The following PCDHA7 variants were observed in gnomAD, a reference collection of about 807,000 sequenced individuals.
PCDHA7 encodes the protein protocadherin alpha 7.
A neutral mutation model predicts 57.2 loss-of-function variants in PCDHA7; 37 were observed. That is an observed-to-expected ratio of 0.65 (90% CI 0.50 to 0.85). The LOEUF (loss-of-function observed/expected upper bound fraction) is 0.85. Ranked by LOEUF, PCDHA7 falls within the 40% of genes least tolerant of loss-of-function variation. The probability of loss-of-function intolerance (pLI) is 0.00; values close to 1 mark genes in which losing one functional copy is unlikely to be tolerated. For synonymous variants in PCDHA7, 553 were observed against 558.8 expected, an observed-to-expected ratio of 0.99 and a Z score of 0.15; for missense variants, 1,188 against 1,241.8, an observed-to-expected ratio of 0.96 and a Z score of 0.65.
chr5:140,863,348 C>T, intron 1 of PCDHA7: 2 of 1,313,382 alleles, frequency 1.5e-6, no homozygotes, highest in Non-Finnish European at 2.1e-6. Flanking sequence ...CTGCTGTACA[C>T]GACGCTGCGG....
intron 1 of PCDHA7, chr5:140,852,742 T>G (rs1190690172): frequency 1.0e-6 from 1 of 984,108 alleles, no homozygotes; most frequent in African/African-American, 1.8e-5. Context: ...ATGTGCCATT[T>G]AAACTTGGAC....
intron 1 of PCDHA7, chr5:140,850,281 G>A: frequency 6.3e-7 from 1 of 1,595,580 alleles, no homozygotes. Context: ...GAAGGTGCGC[G>A]CAGTGGACGC....
At position 140,836,460 on chromosome 5, in the gene PCDHA7, C is replaced by G. The variant is rs2150261551; in HGVS notation, c.2077C>G (p.Leu693Val). 1 of 1,613,848 alleles carries G rather than the reference C, an allele frequency of 6.2e-7. No individual in the cohort carries two copies. The highest frequency in any genetic ancestry group is 1.1e-5 in the South Asian group (1 of 91,086). Reference protein sequence around the residue: ...SLGIAGPETELVDVNVYLIIA... With the variant: ...SLGIAGPETEVVDVNVYLIIA... Reference sequence around the variant, plus strand: ...GGGCATTGCAGGCCCAGAGACCGAGCTGGTGGATGTCAACGTGTACCTGAT... The same window carrying G: ...GGGCATTGCAGGCCCAGAGACCGAGGTGGTGGATGTCAACGTGTACCTGAT... Residue 693 changes from leucine to valine, a missense_variant, in exon 1 of 4, where the codon CTG (leucine) becomes GTG (valine). This residue lies in a region of PCDHA7 where 892 missense variants were observed against 788.5 expected (regional missense o/e 1.13). Transcript: ENST00000525929.
chr5:140,883,530 A>G, intron 1 of PCDHA7: 1 of 1,614,156 alleles, frequency 6.2e-7, no homozygotes. Flanking sequence ...GTATCAGCCT[A>G]TGAACTGGTG....
rs782468691 is a variant in PCDHA7 at position 140,962,448 on chromosome 5, A to C, written c.2356-16501A>C. Reference sequence around the variant, plus strand: ...TGTTACTTATCCAAAGATGGCTTGAATCTCTTATGGCTTGAATCTCTTTGT... The same window carrying C: ...TGTTACTTATCCAAAGATGGCTTGACTCTCTTATGGCTTGAATCTCTTTGT... On this transcript the variant is annotated intron_variant, in intron 1 of 3. Coordinates refer to ENST00000525929, the MANE Select transcript of PCDHA7 (RefSeq NM_018910.3). Among the ~76,000 whole-genome samples the C allele has an allele frequency of 4.7e-4, 72 of 152,232 alleles. 1 individual carries two copies. The highest frequency in any genetic ancestry group is 6.8e-3 in the Middle Eastern group (2 of 294).
At chr5:141,007,306 T>C (rs1050571899) in intron 3 of PCDHA7, among the ~76,000 whole-genome samples, 8 of 151,500 alleles carry the variant, frequency 5.3e-5, no homozygotes, top group Admixed American at 3.3e-4. Context: ...ATCTTAGCAT[T>C]TTGGGAGGCT....
At chr5:140,998,977 ATAG>A (rs2097842205) in intron 3 of PCDHA7, among the ~76,000 whole-genome samples, 1 of 152,242 alleles carries the variant, frequency 6.6e-6, no homozygotes, top group African/African-American at 2.4e-5. Flanking sequence ...ATCCTAGAAA[ATAG>A]TAGAAAGCAG....
intron 1 of PCDHA7, among the ~76,000 whole-genome samples, chr5:140,897,463 T>C (rs573452029): frequency 6.6e-6 from 1 of 151,924 alleles, no homozygotes; most frequent in African/African-American, 2.4e-5. Flanking sequence ...CTTGCGATAG[T>C]TTACTGAGAA....
chr5:140,938,215 G>C (rs1270663444), intron 1 of PCDHA7, among the ~76,000 whole-genome samples: 3 of 152,100 alleles, frequency 2.0e-5, no homozygotes, highest in Non-Finnish European at 4.4e-5. Context: ...CAAAGTGCTG[G>C]GATTACAGGC....
In PCDHA7 at chr5:141,011,905, G is replaced by C. The variant is rs1400272126; in HGVS notation, c.*1968G>C. 4 of 153,222 alleles carry C rather than the reference G, an allele frequency of 2.6e-5. No individual in the cohort carries two copies. Among genetic ancestry groups the C allele is most frequent in the African/African-American group, 9.7e-5 (4 of 41,224 alleles). The allele number at this position is 153,222 out of a possible 1,614,324, so 9.5% of individuals were successfully genotyped here. A position where few individuals can be genotyped will look rare whatever the true frequency, so the allele number is the denominator to read the frequency against. ...TTGATTAATTATATTATCTATTTAG[G>C]CATTAATATAAAAGAGGTAGGAGTC... On this transcript the variant is annotated 3_prime_UTR_variant, in exon 4 of 4. Coordinates refer to ENST00000525929, the MANE Select transcript of PCDHA7 (RefSeq NM_018910.3).
intron 3 of PCDHA7, among the ~76,000 whole-genome samples, chr5:140,990,953 A>G (rs371951430): frequency 6.6e-6 from 1 of 152,194 alleles, no homozygotes; most frequent in Non-Finnish European, 1.5e-5. Flanking sequence ...GACTGTAGAA[A>G]TAGTCTCTTA....
At chr5:140,883,459 G>A in intron 1 of PCDHA7, 1 of 1,614,132 alleles carries the variant, frequency 6.2e-7, no homozygotes, top group Non-Finnish European at 8.5e-7. Context: ...CCTTCAAGCT[G>A]GTGTCCACCT....
At chr5:140,854,065 G>T in intron 1 of PCDHA7, 1 of 276,218 alleles carries the variant, frequency 3.6e-6, no homozygotes, top group Non-Finnish European at 5.5e-6. Context: ...AGGAGGCTGA[G>T]GCGAGAGAAT....
At chr5:140,953,254 C>A (rs1483553184) in intron 1 of PCDHA7, among the ~76,000 whole-genome samples, 3 of 152,098 alleles carry the variant, frequency 2.0e-5, no homozygotes, top group Non-Finnish European at 2.9e-5. Flanking sequence ...CAGTTTAGTT[C>A]TTTTAGCTTT....
rs370676797 is a variant in PCDHA7, at chr5:141,009,968, A to G, written c.*31A>G. On this transcript the variant is annotated 3_prime_UTR_variant, in exon 4 of 4. Transcript: ENST00000525929. ...TCAAATGGAAACAAGCCACTTAGCC[A>G]GTTTTTGTAATAATGGCAAATCTCT... 1.4e-5 allele frequency: 22 copies of G among 1,586,626 alleles called. No homozygotes were observed. The highest frequency in any genetic ancestry group is 1.6e-5 in the Non-Finnish European group (19 of 1,169,786).
At chr5:140,850,141 T>G in intron 1 of PCDHA7, 1 of 1,595,586 alleles carries the variant, frequency 6.3e-7, no homozygotes, top group Non-Finnish European at 8.6e-7. Context: ...GGCAGCAACG[T>G]GACGCTGCAG....
chr5:140,841,016 A>G (rs1375684140), intron 1 of PCDHA7, among the ~76,000 whole-genome samples: 1 of 152,070 alleles, frequency 6.6e-6, no homozygotes, highest in African/African-American at 2.4e-5. Context: ...AGACAGTATG[A>G]ATGCCTCTGC....
chr5:140,938,298 A>G (rs549354760), intron 1 of PCDHA7, among the ~76,000 whole-genome samples: 4 of 152,350 alleles, frequency 2.6e-5, no homozygotes, highest in African/African-American at 7.2e-5. Context: ...ATTGCCTATG[A>G]AATTCAGTAT....
chr5:140,837,523 T>G (rs1775100881), intron 1 of PCDHA7, among the ~76,000 whole-genome samples: 1 of 151,982 alleles, frequency 6.6e-6, no homozygotes. Flanking sequence ...TTACTTTTTT[T>G]GTATATTCCC....
Sources: allele counts gnomAD v4.1 joint callset (sites outside exome capture counted in the v4.1 genomes callset), GRCh38; gene constraint gnomAD v4.1.1; regional missense constraint gnomAD v4.1.1; transcripts MANE v1.5; gene names NCBI Gene and HGNC (gene_info 2026-07-23, HGNC 2026-07-21).